The following EDIL3 variants were observed in gnomAD, a reference collection of about 807,000 sequenced individuals.
EDIL3 encodes the protein EGF like and discoidin domains 3.
In EDIL3, 37 loss-of-function variants were observed where a neutral mutation model predicts 67.4. That is an observed-to-expected ratio of 0.55 (90% CI 0.42 to 0.72). The LOEUF (loss-of-function observed/expected upper bound fraction) is 0.72. Among genes scored for constraint, EDIL3 ranks in the 30% least tolerant of loss-of-function variants. The probability of loss-of-function intolerance (pLI) is 0.00; values close to 1 mark genes in which losing one functional copy is unlikely to be tolerated. For synonymous variants in EDIL3, 195 were observed against 196.3 expected (o/e 0.99, Z 0.05); for missense variants, 527 against 586.3 (o/e 0.90, Z 1.04).
At chr5:84,337,983 A>T (rs966840816) in intron 1 of EDIL3, among the ~76,000 whole-genome samples, 3 of 152,150 alleles carry the variant, frequency 2.0e-5, no homozygotes, top group African/African-American at 7.2e-5. Flanking sequence ...CCGAATTTTC[A>T]TGACTATTAT....
At chr5:84,188,901 A>G (rs1431132285) in intron 3 of EDIL3, among the ~76,000 whole-genome samples, 2 of 152,030 alleles carry the variant, frequency 1.3e-5, no homozygotes, top group South Asian at 2.1e-4. Flanking sequence ...AGTCTGTGGT[A>G]TTTTGTAATG....
At position 83,957,526 on chromosome 5, in the gene EDIL3, G is replaced by A. The variant is rs539291151; in HGVS notation, c.1293+5679C>T. On this transcript the variant is annotated intron_variant, in intron 10 of 10. Transcript: ENST00000296591. ...AATGACAGGATGCTCTGTGACATCT[G>A]TAATTACTGTTGAATTTGAATATAT... Among the ~76,000 whole-genome samples the A allele has an allele frequency of 4.0e-5, 6 of 151,802 alleles. No individual in the cohort carries two copies. The South Asian group carries it at 1.2e-3, about 31-fold the overall frequency.
intron 9 of EDIL3, among the ~76,000 whole-genome samples, chr5:84,049,881 C>G (rs1284086642): frequency 6.6e-6 from 1 of 152,006 alleles, no homozygotes; most frequent in Non-Finnish European, 1.5e-5. Flanking sequence ...AGAAAGCTAA[C>G]CAATTAGGTA....
intron 5 of EDIL3, among the ~76,000 whole-genome samples, chr5:84,136,440 T>G (rs1748093668): frequency 6.6e-6 from 1 of 152,212 alleles, no homozygotes; most frequent in African/African-American, 2.4e-5. Flanking sequence ...CCCATCCCAT[T>G]GACTTTAGTC....
intron 6 of EDIL3, among the ~76,000 whole-genome samples, chr5:84,074,045 A>G (rs1463232003): frequency 6.6e-6 from 1 of 152,060 alleles, no homozygotes; most frequent in Non-Finnish European, 1.5e-5. Context: ...ATAATGCCGC[A>G]TATCTACAAC....
At chr5:83,959,643 T>A (rs1221061337) in intron 10 of EDIL3, among the ~76,000 whole-genome samples, 2 of 150,880 alleles carry the variant, frequency 1.3e-5, no homozygotes, top group African/African-American at 2.4e-5. Flanking sequence ...TTTTTTTTCC[T>A]CTTATGGAGA....
chr5:84,320,543 T>A (rs914586022), intron 1 of EDIL3, among the ~76,000 whole-genome samples: 1 of 152,036 alleles, frequency 6.6e-6, no homozygotes. Context: ...TGATCAAACA[T>A]GTCAGTTAGA....
chr5:84,289,431 G>A lies in EDIL3; in HGVS notation c.68-35219C>T, dbSNP rs1183330103. On this transcript the variant is annotated intron_variant, in intron 1 of 10. Coordinates refer to ENST00000296591, the MANE Select transcript of EDIL3 (RefSeq NM_005711.5). ...CCATGAGGAGAGATTTTACCTCTGA[G>A]TTCTTATTATTTCCATTTTCTCTTA... 3.9e-5 allele frequency among the ~76,000 whole-genome samples: 6 copies of A among 152,140 alleles called. No individual in the cohort carries two copies. The East Asian group carries it at 7.7e-4, about 20-fold the overall frequency.
At chr5:84,018,996 AG>A (rs1745660641) in intron 9 of EDIL3, among the ~76,000 whole-genome samples, 1 of 152,192 alleles carries the variant, frequency 6.6e-6, no homozygotes, top group South Asian at 2.1e-4. Context: ...GCAATTCCTT[AG>A]GGATCTAGAA....
chr5:84,049,500 ATAGTCT>A (rs767056370), intron 9 of EDIL3, among the ~76,000 whole-genome samples: 6 of 152,192 alleles, frequency 3.9e-5, no homozygotes, highest in Non-Finnish European at 8.8e-5. Context: ...ATGGAAGCTA[ATAGTCT>A]TAACCTAAAA....
At chr5:83,985,334 T>C (rs1439648696) in intron 9 of EDIL3, among the ~76,000 whole-genome samples, 1 of 151,986 alleles carries the variant, frequency 6.6e-6, no homozygotes, top group East Asian at 1.9e-4. Context: ...GGAAAAAAAA[T>C]GTATATTTTT....
chr5:84,093,906 C>T lies in EDIL3; in HGVS notation c.651+12743G>A, dbSNP rs138770835. Reference sequence around the variant, plus strand: ...AGCTCCCAACATCATGATCCACCTGCCTCAGCCTCCCAAATTGCTGGGATT... The same window carrying T: ...AGCTCCCAACATCATGATCCACCTGTCTCAGCCTCCCAAATTGCTGGGATT... On this transcript the variant is annotated intron_variant, in intron 6 of 10. Transcript: ENST00000296591. 6.5e-3 allele frequency among the ~76,000 whole-genome samples: 996 copies of T among 152,230 alleles called. 11 individuals are homozygous for T. Among genetic ancestry groups the T allele is most frequent in the African/African-American group, 0.023 (948 of 41,526 alleles).
chr5:84,107,745 T>C (rs1747489348), intron 5 of EDIL3, among the ~76,000 whole-genome samples: 1 of 150,154 alleles, frequency 6.7e-6, no homozygotes, highest in Non-Finnish European at 1.5e-5. Flanking sequence ...AAAAATTACA[T>C]ATATATTTGT....
intron 1 of EDIL3, among the ~76,000 whole-genome samples, chr5:84,317,574 A>G (rs1231165115): frequency 6.6e-6 from 1 of 152,202 alleles, no homozygotes; most frequent in Admixed American, 6.5e-5. Flanking sequence ...TAGACCAATA[A>G]CAGGTTCTAA....
intron 5 of EDIL3, among the ~76,000 whole-genome samples, chr5:84,108,399 A>G (rs1333682629): frequency 6.6e-6 from 1 of 152,158 alleles, no homozygotes; most frequent in Admixed American, 6.5e-5. Context: ...ATTACTTGGT[A>G]TGATAAATTT....
intron 6 of EDIL3, among the ~76,000 whole-genome samples, chr5:84,070,797 A>G (rs1232068881): frequency 2.6e-5 from 4 of 152,122 alleles, no homozygotes; most frequent in African/African-American, 4.8e-5. Flanking sequence ...TTTGAAATTT[A>G]TCGTACTTGA....
At chr5:84,318,381 G>A (rs935746379) in intron 1 of EDIL3, among the ~76,000 whole-genome samples, 3 of 152,150 alleles carry the variant, frequency 2.0e-5, no homozygotes, top group African/African-American at 4.8e-5. Flanking sequence ...AAAGCTGGAG[G>A]CATCATGCTA....
At chr5:84,197,489 G>A (rs538707429) in intron 3 of EDIL3, among the ~76,000 whole-genome samples, 5 of 151,756 alleles carry the variant, frequency 3.3e-5, no homozygotes, top group South Asian at 4.2e-4. Context: ...GTGAAACCCC[G>A]TCTCTACTAA....
chr5:83,967,909 A>T (rs571195088), intron 9 of EDIL3, among the ~76,000 whole-genome samples: 11 of 152,270 alleles, frequency 7.2e-5, no homozygotes, highest in African/African-American at 2.6e-4. Context: ...TTGTGCCTTC[A>T]TATCATTTAT....
Sources: allele counts gnomAD v4.1 joint callset (sites outside exome capture counted in the v4.1 genomes callset), GRCh38; gene constraint gnomAD v4.1.1; transcripts MANE v1.5; gene names NCBI Gene and HGNC (gene_info 2026-07-23, HGNC 2026-07-21).